Variants in BTG4 observed in about 807,000 individuals in gnomAD.
BTG4 encodes the protein BTG anti-proliferation factor 4.
BTG4 carries 10 observed loss-of-function variants against 19.3 expected under a neutral mutation model. That is an observed-to-expected ratio of 0.52 (90% CI 0.32 to 0.88). BTG4 has a LOEUF of 0.88. Ranked by LOEUF, BTG4 falls within the 40% of genes least tolerant of loss-of-function variation. The probability of loss-of-function intolerance (pLI) is 0.04; values close to 1 mark genes in which losing one functional copy is unlikely to be tolerated. For missense variants in BTG4, 238 were observed against 281.9 expected, an observed-to-expected ratio of 0.84 and a Z score of 1.11; for synonymous variants, 91 against 95.7, an observed-to-expected ratio of 0.95 and a Z score of 0.29.
the BTG4 span, among the ~76,000 whole-genome samples, chr11:111,405,246 A>G: frequency 6.6e-6 from 1 of 151,954 alleles, no homozygotes; most frequent in South Asian, 2.1e-4. Flanking sequence ...TGTACTAAAA[A>G]TACAAAAATT....
downstream of BTG4, among the ~76,000 whole-genome samples, chr11:111,465,331 A>G (rs376383194): frequency 3.1e-4 from 47 of 152,182 alleles, no homozygotes; most frequent in African/African-American, 1.1e-3. Flanking sequence ...TCCAACTCCA[A>G]CCTGCTACCT....
the BTG4 span, chr11:111,451,442 A>G: frequency 4.0e-5 from 18 of 444,760 alleles, no homozygotes; most frequent in Admixed American, 2.1e-4. Context: ...CATTTAAGAC[A>G]TTATCCCATT....
chr11:111,491,135 C>T (rs142590414), downstream of BTG4, among the ~76,000 whole-genome samples: 576 of 152,254 alleles, frequency 3.8e-3, 3 homozygotes, highest in African/African-American at 0.013. Context: ...AGGTTACCTA[C>T]AGTATGATTA....
chr11:111,477,247 T>C (rs577422334), intron 5 of BTG4, among the ~76,000 whole-genome samples: 1 of 152,268 alleles, frequency 6.6e-6, no homozygotes, highest in Non-Finnish European at 1.5e-5. Context: ...ATGTTCTCCT[T>C]ACTGCTGCAT....
At chr11:111,506,694 T>C (rs1461082318) in intron 1 of BTG4, among the ~76,000 whole-genome samples, 1 of 152,158 alleles carries the variant, frequency 6.6e-6, no homozygotes, top group Admixed American at 6.6e-5. Context: ...TATACTAATA[T>C]AAATATGTGT....
chr11:111,403,187 G>A, the BTG4 span, among the ~76,000 whole-genome samples: 3 of 152,236 alleles, frequency 2.0e-5, no homozygotes, highest in African/African-American at 7.2e-5. Context: ...TTCTCTACTT[G>A]AGAAACCCTC....
chr11:111,446,624 AACACACAC>A, the BTG4 span, among the ~76,000 whole-genome samples: 8 of 146,842 alleles, frequency 5.4e-5, no homozygotes, highest in Non-Finnish European at 9.0e-5. Flanking sequence ...GACACCAATA[AACACACAC>A]ACACACACAC....
chr11:111,441,592 C>A, the BTG4 span, among the ~76,000 whole-genome samples: 2 of 152,196 alleles, frequency 1.3e-5, no homozygotes, highest in Admixed American at 6.5e-5. Context: ...TATAATATAT[C>A]CATGCCTCTC....
At chr11:111,392,594 G>T in the BTG4 span, among the ~76,000 whole-genome samples, 1 of 152,172 alleles carries the variant, frequency 6.6e-6, no homozygotes, top group East Asian at 1.9e-4. Flanking sequence ...AGGTGATGCT[G>T]AGGCTGCCGG....
the BTG4 span, among the ~76,000 whole-genome samples, chr11:111,388,279 CAGTTGGTT>C: frequency 1.1e-3 from 138 of 122,872 alleles, no homozygotes; most frequent in African/African-American, 3.0e-3. Flanking sequence ...GGCCATGACT[CAGTTGGTT>C]GGTTGGTTGG....
intron 5 of BTG4, among the ~76,000 whole-genome samples, chr11:111,470,885 C>T (rs1864023895): frequency 6.6e-6 from 1 of 152,024 alleles, no homozygotes; most frequent in Non-Finnish European, 1.5e-5. Flanking sequence ...GCTATGATCA[C>T]ACCACTGCAC....
chr11:111,402,883 TAC>T, the BTG4 span, among the ~76,000 whole-genome samples: 1 of 148,286 alleles, frequency 6.7e-6, no homozygotes, highest in Non-Finnish European at 1.5e-5. Context: ...ATAATAATAA[TAC>T]ATCAGAAATG....
Position 111,481,902 on chromosome 11 carries a change from A to C in BTG4, c.662+13261T>G, listed in dbSNP as rs1030354240. Among the ~76,000 whole-genome samples, 7 of 152,098 alleles carry C rather than the reference A, an allele frequency of 4.6e-5. No individual in the cohort carries two copies. The South Asian group carries it at 1.4e-3, about 32-fold the overall frequency. ...ATGGTGAAGGATTGCTTTCTCCCAAAAAAAGGAACAAGTCAAGGATATCTG... is the reference window on the plus strand; with the variant it reads ...ATGGTGAAGGATTGCTTTCTCCCAACAAAAGGAACAAGTCAAGGATATCTG... On this transcript the variant is annotated intron_variant, in intron 5 of 5. Coordinates refer to the BTG4 transcript ENST00000356018.
the BTG4 span, among the ~76,000 whole-genome samples, chr11:111,423,689 T>C: frequency 6.6e-6 from 1 of 152,164 alleles, no homozygotes; most frequent in South Asian, 2.1e-4. Context: ...GTATATGACA[T>C]TCATTTAATA....
At chr11:111,403,835 T>G in the BTG4 span, among the ~76,000 whole-genome samples, 1 of 152,214 alleles carries the variant, frequency 6.6e-6, no homozygotes, top group East Asian at 1.9e-4. Context: ...GTGATGATAA[T>G]GGTGGTAGCA....
chr11:111,454,679 AG>A, the BTG4 span, among the ~76,000 whole-genome samples: 1 of 152,232 alleles, frequency 6.6e-6, no homozygotes, highest in African/African-American at 2.4e-5. Flanking sequence ...TTATGCCAGT[AG>A]ATGGCAGGCA....
downstream of BTG4, among the ~76,000 whole-genome samples, chr11:111,463,875 C>G (rs1863562689): frequency 6.6e-6 from 1 of 152,168 alleles, no homozygotes; most frequent in African/African-American, 2.4e-5. Flanking sequence ...ACCTCAAGTC[C>G]TTGCCTGCTG....
intron 5 of BTG4, among the ~76,000 whole-genome samples, chr11:111,476,286 A>G (rs1864393869): frequency 6.6e-6 from 1 of 152,160 alleles, no homozygotes; most frequent in Non-Finnish European, 1.5e-5. Context: ...TAATTTATGA[A>G]TTCAGTGTCC....
the BTG4 span, among the ~76,000 whole-genome samples, chr11:111,444,684 C>T: frequency 6.6e-6 from 1 of 152,082 alleles, no homozygotes; most frequent in African/African-American, 2.4e-5. Flanking sequence ...TAAATATATA[C>T]ACCTACTATG....
Sources: gnomAD v4.1 joint callset for allele counts (sites outside exome capture counted in the v4.1 genomes callset) on GRCh38, gnomAD v4.1.1 for gene constraint, MANE v1.5 for transcripts, NCBI Gene and HGNC (gene_info 2026-07-23, HGNC 2026-07-21) for gene names.